Variants in FGF13 observed in about 807,000 individuals in gnomAD.
FGF13 encodes the protein fibroblast growth factor homologous factor 2.
FGF13 carries 2 observed loss-of-function variants against 19.5 expected under a neutral mutation model. That is an observed-to-expected ratio of 0.10 (90% CI 0.04 to 0.32). The LOEUF (loss-of-function observed/expected upper bound fraction) is 0.32. Among genes scored for constraint, FGF13 ranks in the 10% least tolerant of loss-of-function variants. The pLI, the probability that FGF13 is intolerant of heterozygous loss-of-function variation, is 1.00. For missense variants in FGF13, 113 were observed against 192.7 expected (o/e 0.59, Z 2.45); for synonymous variants, 72 against 76.9 (o/e 0.94, Z 0.33).
Position 138,618,230 on chromosome X carries a change from T to G in FGF13, c.*14620A>C, listed in dbSNP as rs753166423. The G allele has an allele frequency of 2.2e-4, 24 of 110,819 alleles. No homozygotes were observed. Among genetic ancestry groups the G allele is most frequent in the African/African-American group, 7.6e-4 (23 of 30,415 alleles). The allele number at this position is 110,819 out of a possible 1,213,427, so 9.1% of individuals were successfully genotyped here. On this transcript the variant is annotated 3_prime_UTR_variant, in exon 5 of 5. Coordinates refer to ENST00000315930, the MANE Select transcript of FGF13 (RefSeq NM_004114.5). ...CACATTGAAAAGAACCAGAAAATAG[T>G]TTCACTACTTATGTCAACCGTCTCT...
At chrX:138,892,769 C>T (rs1390259775) in intron 1 of FGF13, among the ~76,000 whole-genome samples, 2 of 109,512 alleles carry the variant, frequency 1.8e-5, no homozygotes, top group African/African-American at 6.7e-5. Context: ...GATGGGGGCT[C>T]ATATATAGTG....
chrX:138,846,185 T>TTGTGTTTG (rs2091180788), intron 3 of FGF13, among the ~76,000 whole-genome samples: 1 of 96,626 alleles, frequency 1.0e-5, no homozygotes. Flanking sequence ...ATGTGTCCAT[T>TTGTGTTTG]TGTGTGTGTG....
chrX:138,986,197 C>T (rs1480991500), intron 1 of FGF13, among the ~76,000 whole-genome samples: 1 of 111,457 alleles, frequency 9.0e-6, no homozygotes, highest in Non-Finnish European at 1.9e-5. Context: ...GTCTATGTGC[C>T]TGGAAATGTA....
chrX:139,010,500 A>G (rs2092123683), intron 1 of FGF13, among the ~76,000 whole-genome samples: 2 of 111,906 alleles, frequency 1.8e-5, no homozygotes, highest in Admixed American at 1.9e-4. Flanking sequence ...TCTAAAAGGA[A>G]CCCTCAAAAC....
intron 1 of FGF13, among the ~76,000 whole-genome samples, chrX:139,140,089 T>C (rs752877075): frequency 9.0e-6 from 1 of 111,506 alleles, no homozygotes; most frequent in Admixed American, 9.5e-5. Flanking sequence ...CATTTCCCAT[T>C]CATATCTTCC....
At chrX:139,014,238 T>A (rs1182771977) in intron 1 of FGF13, among the ~76,000 whole-genome samples, 1 of 110,586 alleles carries the variant, frequency 9.0e-6, no homozygotes, top group Non-Finnish European at 1.9e-5. Context: ...ACTAGTGGAA[T>A]AAACGAAATA....
chrX:139,143,597 C>T (rs1337077463), intron 1 of FGF13, among the ~76,000 whole-genome samples: 2 of 111,928 alleles, frequency 1.8e-5, no homozygotes, highest in Non-Finnish European at 3.8e-5. Flanking sequence ...GCTGTGGATG[C>T]GCTCTCACTG....
rs538154563 is a variant in FGF13, at chrX:139,004,137, G to C, written c.-112-139487C>G. Reference sequence around the variant, plus strand: ...GCCCATGGAGTGGGTGGGAGACTCAGGCATGGCGGGCTGCAGGTCCCGAGC... The same window carrying C: ...GCCCATGGAGTGGGTGGGAGACTCACGCATGGCGGGCTGCAGGTCCCGAGC... On this transcript the variant is annotated intron_variant, in intron 1 of 2. Transcript: ENST00000421460. 2.7e-5 allele frequency among the ~76,000 whole-genome samples: 3 copies of C among 112,925 alleles called. No homozygotes were observed. The South Asian group carries it at 1.1e-3, about 41-fold the overall frequency.
chrX:138,952,086 C>G (rs780356840), intron 1 of FGF13, among the ~76,000 whole-genome samples: 2 of 111,019 alleles, frequency 1.8e-5, no homozygotes, highest in South Asian at 7.7e-4. Context: ...ACTTTAAAGT[C>G]CATATGGAAC....
chrX:138,920,552 AC>A (rs1185225010), intron 1 of FGF13, among the ~76,000 whole-genome samples: 1 of 111,676 alleles, frequency 9.0e-6, no homozygotes, highest in Non-Finnish European at 1.9e-5. Flanking sequence ...GAACAAGTCT[AC>A]CTTTGGTGGT....
At chrX:138,662,798 C>T (rs974844237) in intron 3 of FGF13, among the ~76,000 whole-genome samples, 2 of 111,614 alleles carry the variant, frequency 1.8e-5, no homozygotes, top group Admixed American at 9.5e-5. Context: ...CCCATTCTCT[C>T]GAGGTCCACC....
chrX:138,983,008 G>A, intron 1 of FGF13, among the ~76,000 whole-genome samples: 1 of 111,512 alleles, frequency 9.0e-6, no homozygotes, highest in East Asian at 2.8e-4. Context: ...ACATATTTTG[G>A]ATATTAACCT....
chrX:138,670,751 G>A (rs904512267), intron 3 of FGF13, among the ~76,000 whole-genome samples: 1 of 111,323 alleles, frequency 9.0e-6, no homozygotes, highest in Non-Finnish European at 1.9e-5. Flanking sequence ...AAGTGCCTAC[G>A]AACAAACTTT....
intron 1 of FGF13, among the ~76,000 whole-genome samples, chrX:138,870,796 G>A (rs1422044971): frequency 8.9e-6 from 1 of 112,576 alleles, no homozygotes; most frequent in East Asian, 2.8e-4. Context: ...TAGGAAGGAA[G>A]CCATGTGCCA....
chrX:139,176,791 C>G (rs139463768), intron 1 of FGF13, among the ~76,000 whole-genome samples: 284 of 111,804 alleles, frequency 2.5e-3, no homozygotes, highest in African/African-American at 8.9e-3. Context: ...GTTGTGATTT[C>G]CATTCTTTTG....
At position 138,625,486 on chromosome X, in the gene FGF13, T is replaced by TATATATATACATATATATATATA. The variant is rs1569347624; in HGVS notation, c.*7363_*7364insTATATATATATATGTATATATAT. ...TATATATATACATATATATATATAATATATATATATACATATATATATATA... is the reference window on the plus strand; with the variant it reads ...TATATATATACATATATATATATAATATATATATACATATATATATATAATATATATATACATATATATATATA... On this transcript the variant is annotated 3_prime_UTR_variant, in exon 5 of 5. Coordinates refer to ENST00000315930, the MANE Select transcript of FGF13 (RefSeq NM_004114.5). The TATATATATACATATATATATATA allele has an allele frequency of 1.1e-5, 1 of 91,531 alleles. No homozygotes were observed. The highest frequency in any genetic ancestry group is 4.3e-5 in the African/African-American group (1 of 23,143). The allele number at this position is 91,531 out of a possible 1,213,427, so 7.5% of individuals were successfully genotyped here.
chrX:139,014,009 A>G (rs113097248), intron 1 of FGF13, among the ~76,000 whole-genome samples: 2,501 of 111,592 alleles, frequency 0.022, 87 homozygotes, highest in African/African-American at 0.076. Flanking sequence ...CTGAATGACC[A>G]GTAGGTTAAT....
intron 3 of FGF13, among the ~76,000 whole-genome samples, chrX:138,669,528 C>G (rs1303441187): frequency 1.8e-5 from 2 of 111,322 alleles, no homozygotes; most frequent in Non-Finnish European, 3.8e-5. Flanking sequence ...GTCTCTTTTC[C>G]TTTCTTGTCT....
intron 2 of FGF13, among the ~76,000 whole-genome samples, chrX:138,862,831 G>C (rs1383190009): frequency 8.9e-6 from 1 of 111,907 alleles, no homozygotes; most frequent in Non-Finnish European, 1.9e-5. Flanking sequence ...GGAAATTTCA[G>C]TTACCTTCTC....
Sources: gnomAD v4.1 joint callset for allele counts (sites outside exome capture counted in the v4.1 genomes callset) on GRCh38, gnomAD v4.1.1 for gene constraint, MANE v1.5 for transcripts, NCBI Gene and HGNC (gene_info 2026-07-23, HGNC 2026-07-21) for gene names.